Variants in NRXN3 observed in about 807,000 individuals in gnomAD.
NRXN3 encodes the protein neurexin 3, also known as neurexin III.
NRXN3 carries 32 observed loss-of-function variants against 137.6 expected under a neutral mutation model. That is an observed-to-expected ratio of 0.23 (90% CI 0.18 to 0.31). The LOEUF is 0.31. NRXN3 is among the 10% of genes least tolerant of loss of function. The pLI is 1.00. For missense variants in NRXN3, 1,574 were observed against 2,062.5 expected (o/e 0.76, Z 4.59); for synonymous variants, 798 against 784.5 (o/e 1.02, Z -0.29).
At chr14:78,510,869 C>CTA (rs2096091470) in intron 4 of NRXN3, among the ~76,000 whole-genome samples, 1 of 152,206 alleles carries the variant, frequency 6.6e-6, no homozygotes, top group Non-Finnish European at 1.5e-5. Context: ...TAACTTCCAA[C>CTA]TTGACATAAA....
chr14:79,642,381 A>G (rs1285542237), intron 16 of NRXN3, among the ~76,000 whole-genome samples: 3 of 135,814 alleles, frequency 2.2e-5, no homozygotes, highest in South Asian at 2.3e-4. Flanking sequence ...TTTCTTTTCC[A>G]TAAATGAATT....
Position 79,697,620 on chromosome 14 carries a change from A to T in NRXN3, c.3707-10A>T, listed in dbSNP as rs2098740382. The T allele has an allele frequency of 1.9e-6, 3 of 1,609,016 alleles. No homozygotes were observed. The East Asian group carries it at 6.7e-5, about 36-fold the overall frequency. Reference sequence around the variant, plus strand: ...GAGAATAATAATGTTTCCTCCACCCAACCCACTAGGCCGGCAGTTAACCAT... The same window carrying T: ...GAGAATAATAATGTTTCCTCCACCCTACCCACTAGGCCGGCAGTTAACCAT... On this transcript the variant is annotated splice_polypyrimidine_tract_variant and intron_variant, in intron 18 of 20. Transcript: ENST00000335750.
At chr14:79,747,734 C>G (rs2098983967) in intron 19 of NRXN3, among the ~76,000 whole-genome samples, 1 of 152,076 alleles carries the variant, frequency 6.6e-6, no homozygotes, top group African/African-American at 2.4e-5. Flanking sequence ...TCAAAGCACT[C>G]TAGAGGAAGT....
chr14:78,772,455 G>A (rs1209669623), intron 8 of NRXN3, among the ~76,000 whole-genome samples: 6 of 152,154 alleles, frequency 3.9e-5, no homozygotes, highest in Non-Finnish European at 5.9e-5. Context: ...GTGGAAGAAT[G>A]AGTCAATAAA....
At chr14:78,256,795 G>A (rs532664491) in intron 2 of NRXN3, among the ~76,000 whole-genome samples, 13 of 152,342 alleles carry the variant, frequency 8.5e-5, no homozygotes, top group Middle Eastern at 3.4e-3. Context: ...TTATGAGAGC[G>A]TAGTAAATTT....
At chr14:78,228,932 G>T (rs1480763872) in intron 1 of NRXN3, among the ~76,000 whole-genome samples, 1 of 152,188 alleles carries the variant, frequency 6.6e-6, no homozygotes, top group Non-Finnish European at 1.5e-5. Context: ...GATGTGTGAG[G>T]TTGGCAAAAG....
intron 4 of NRXN3, among the ~76,000 whole-genome samples, chr14:78,553,663 G>C (rs2096713205): frequency 6.6e-6 from 1 of 152,216 alleles, no homozygotes; most frequent in African/African-American, 2.4e-5. Context: ...TCTAATTTTG[G>C]TAAGTCCGGG....
In NRXN3 at chr14:78,926,851, TTA is replaced by T. The variant is rs1281580367; in HGVS notation, c.2276-30382_2276-30381del. On this transcript the variant is annotated intron_variant, in intron 10 of 20. Coordinates refer to ENST00000335750, the MANE Select transcript of NRXN3 (RefSeq NM_001330195.2). ...ATAATTTATATAAATATATAATATA[TTA>T]TATATATAATATATATATAATATAT... 2.7e-3 allele frequency among the ~76,000 whole-genome samples: 71 copies of T among 25,890 alleles called. 8 individuals are homozygous for T. The highest frequency in any genetic ancestry group is 5.6e-3 in the South Asian group (6 of 1,070). 17.0% of individuals were successfully genotyped at this position (25,890 alleles called of 152,430 possible).
At chr14:79,051,924 G>A (rs377727889) in intron 15 of NRXN3, among the ~76,000 whole-genome samples, 16 of 152,340 alleles carry the variant, frequency 1.1e-4, no homozygotes, top group Admixed American at 2.0e-4. Flanking sequence ...TGGGCAAGTA[G>A]AGTCAGCATT....
intron 16 of NRXN3, among the ~76,000 whole-genome samples, chr14:79,631,191 G>A (rs2153935389): frequency 6.6e-6 from 1 of 152,360 alleles, no homozygotes; most frequent in East Asian, 1.9e-4. Context: ...CTAATGAGAG[G>A]AGACAGATCA....
intron 16 of NRXN3, among the ~76,000 whole-genome samples, chr14:79,501,944 G>C (rs1446128125): frequency 1.3e-5 from 2 of 152,130 alleles, no homozygotes; most frequent in Non-Finnish European, 2.9e-5. Flanking sequence ...AGCCACTTCT[G>C]TTACTTTTTA....
chr14:78,562,554 A>G (rs1464352238), intron 4 of NRXN3, among the ~76,000 whole-genome samples: 2 of 152,076 alleles, frequency 1.3e-5, no homozygotes, highest in Non-Finnish European at 2.9e-5. Context: ...GAGAAGCCCA[A>G]GTGTGGTGGA....
rs144447919 is a variant in NRXN3, at chr14:79,146,587, C to T, written c.3262+158446C>T. 2.5e-4 allele frequency among the ~76,000 whole-genome samples: 38 copies of T among 152,176 alleles called. No individual in the cohort carries two copies. The East Asian group carries it at 7.4e-3, about 30-fold the overall frequency. On this transcript the variant is annotated intron_variant, in intron 15 of 20. Transcript: ENST00000335750. ...AGTGACAACCATGAGGTCTGATAGG[C>T]TTTAGAACGCAGGTCTTAAAGAGCC...
intron 16 of NRXN3, among the ~76,000 whole-genome samples, chr14:79,561,664 A>G (rs2097499045): frequency 6.6e-6 from 1 of 152,092 alleles, no homozygotes. Flanking sequence ...TACATCTGCT[A>G]TTGACTGATC....
At chr14:79,657,441 G>C (rs1351631421) in intron 16 of NRXN3, among the ~76,000 whole-genome samples, 2 of 152,150 alleles carry the variant, frequency 1.3e-5, no homozygotes, top group East Asian at 1.9e-4. Context: ...TACAGCCGTG[G>C]TCTTGTCAGT....
At chr14:79,180,758 T>C (rs1178452011) in intron 15 of NRXN3, among the ~76,000 whole-genome samples, 3 of 152,058 alleles carry the variant, frequency 2.0e-5, no homozygotes, top group African/African-American at 7.2e-5. Context: ...AAATTGATAA[T>C]AATAATAAAT....
intron 15 of NRXN3, among the ~76,000 whole-genome samples, chr14:79,404,427 C>T (rs1205070853): frequency 6.6e-6 from 1 of 152,036 alleles, no homozygotes; most frequent in Non-Finnish European, 1.5e-5. Flanking sequence ...AAAGGCTCGC[C>T]CAGAGCTACT....
intron 15 of NRXN3, among the ~76,000 whole-genome samples, chr14:79,144,537 T>C (rs1169769705): frequency 6.6e-6 from 1 of 152,184 alleles, no homozygotes; most frequent in Non-Finnish European, 1.5e-5. Flanking sequence ...TGAACCATCA[T>C]GCCTCTTGTC....
In NRXN3 at chr14:78,767,568, T is replaced by C. The variant is rs561341956; in HGVS notation, c.2045-36052T>C. On this transcript the variant is annotated intron_variant, in intron 8 of 20. Coordinates refer to ENST00000335750, the MANE Select transcript of NRXN3 (RefSeq NM_001330195.2). ...AGAGCGCCCTCTTGTCTGTGTGGGT[T>C]ACTAATTGTTACAGTGAAATTAGAT... Among the ~76,000 whole-genome samples, 6 of 152,316 alleles carry C rather than the reference T, an allele frequency of 3.9e-5. No homozygotes were observed. In the East Asian group the frequency reaches 1.2e-3, roughly 29 times the overall value.
Sources: gnomAD v4.1 joint callset for allele counts (sites outside exome capture counted in the v4.1 genomes callset) on GRCh38, gnomAD v4.1.1 for gene constraint, MANE v1.5 for transcripts, NCBI Gene and HGNC (gene_info 2026-07-23, HGNC 2026-07-21) for gene names.